ZFAT: variants seen among roughly 807,000 people sequenced by gnomAD.
ZFAT encodes the protein zinc finger and AT-hook domain containing.
Under a neutral mutation model 117.7 loss-of-function variants are expected in ZFAT, and 64 were observed. The observed-to-expected ratio is 0.54, with a 90% CI of 0.44 to 0.67. The LOEUF (loss-of-function observed/expected upper bound fraction) is 0.67. Among genes scored for constraint, ZFAT ranks in the 30% least tolerant of loss-of-function variants. The pLI is 0.00. For synonymous variants in ZFAT, 679 were observed against 615.0 expected, an observed-to-expected ratio of 1.10 and a Z score of -1.54; for missense variants, 1,433 against 1,584.5, an observed-to-expected ratio of 0.90 and a Z score of 1.62.
chr8:134,667,132 C>T (rs1426411853), intron 1 of ZFAT, among the ~76,000 whole-genome samples: 1 of 152,118 alleles, frequency 6.6e-6, no homozygotes, highest in Non-Finnish European at 1.5e-5. Context: ...TGGGGCCTGT[C>T]AGGGGCTGGG....
At chr8:134,593,119 C>T (rs1826653238) in intron 7 of ZFAT, among the ~76,000 whole-genome samples, 1 of 151,898 alleles carries the variant, frequency 6.6e-6, no homozygotes, top group Non-Finnish European at 1.5e-5. Context: ...TGGAGGAGAC[C>T]TCCACCACCC....
In ZFAT at chr8:134,542,701, T is replaced by G. The variant is rs528372573; in HGVS notation, c.2977-9729A>C. 9.6e-4 allele frequency among the ~76,000 whole-genome samples: 146 copies of G among 152,360 alleles called. 1 individual carries two copies. The highest frequency in any genetic ancestry group is 6.8e-3 in the Middle Eastern group (2 of 294). ...GCCAGAGCCTGTGGAGAGCCCCAGATGACCTGTCCACACCTCTTTGTAATA... is the reference window on the plus strand; with the variant it reads ...GCCAGAGCCTGTGGAGAGCCCCAGAGGACCTGTCCACACCTCTTTGTAATA... On this transcript the variant is annotated intron_variant, in intron 11 of 15. Transcript: ENST00000377838.
chr8:134,539,039 T>G (rs1822052779), intron 11 of ZFAT, among the ~76,000 whole-genome samples: 1 of 152,176 alleles, frequency 6.6e-6, no homozygotes, highest in Non-Finnish European at 1.5e-5. Flanking sequence ...CTTTGCTGTT[T>G]TGGTTCTTTA....
chr8:134,548,036 C>T (rs897434061), intron 11 of ZFAT, among the ~76,000 whole-genome samples: 1 of 152,186 alleles, frequency 6.6e-6, no homozygotes, highest in Non-Finnish European at 1.5e-5. Flanking sequence ...ATCTGTTGAA[C>T]GCTGTTCCCT....
At chr8:134,589,676 C>T (rs1291994412) in intron 8 of ZFAT, among the ~76,000 whole-genome samples, 2 of 152,174 alleles carry the variant, frequency 1.3e-5, no homozygotes, top group Non-Finnish European at 2.9e-5. Flanking sequence ...GGTGGACCCT[C>T]GGCCAGGCTG....
chr8:134,603,387 T>C (rs1273285432), intron 5 of ZFAT, among the ~76,000 whole-genome samples: 3 of 152,204 alleles, frequency 2.0e-5, no homozygotes, highest in Non-Finnish European at 2.9e-5. Flanking sequence ...CAAGCTGATC[T>C]AGGTGGATTC....
chr8:134,656,431 C>A (rs1389421788), intron 2 of ZFAT, among the ~76,000 whole-genome samples: 3 of 152,186 alleles, frequency 2.0e-5, no homozygotes, highest in Non-Finnish European at 2.9e-5. Context: ...TCCTTATTCA[C>A]CCACCACTAG....
upstream of ZFAT, among the ~76,000 whole-genome samples, chr8:134,716,405 C>A (rs1411342124): frequency 6.6e-6 from 1 of 152,190 alleles, no homozygotes; most frequent in Non-Finnish European, 1.5e-5. Context: ...GAAACAGCAT[C>A]TTTTCCACCT....
intron 12 of ZFAT, among the ~76,000 whole-genome samples, chr8:134,532,003 G>A (rs550596758): frequency 1.8e-4 from 28 of 152,358 alleles, no homozygotes; most frequent in African/African-American, 5.5e-4. Flanking sequence ...GGAAAGAAGA[G>A]CAGCTAACTG....
chr8:134,502,029 G>A (rs1295043828), intron 15 of ZFAT, among the ~76,000 whole-genome samples: 9 of 152,202 alleles, frequency 5.9e-5, no homozygotes, highest in East Asian at 1.9e-4. Context: ...CTTTTGCTGT[G>A]TAGCTACAAT....
At chr8:134,619,030 G>C (rs1010159882) in intron 3 of ZFAT, among the ~76,000 whole-genome samples, 1 of 152,182 alleles carries the variant, frequency 6.6e-6, no homozygotes, top group Admixed American at 6.5e-5. Context: ...TGGGAAGTAG[G>C]AAAAGTTTGT....
chr8:134,710,078 T>G (rs780987480), intron 1 of ZFAT, among the ~76,000 whole-genome samples: 1 of 152,218 alleles, frequency 6.6e-6, no homozygotes, highest in South Asian at 2.1e-4. Context: ...TGAAGGAAAC[T>G]TCAACATATG....
At chr8:134,635,806 C>G (rs1342071674) in intron 3 of ZFAT, among the ~76,000 whole-genome samples, 3 of 152,160 alleles carry the variant, frequency 2.0e-5, no homozygotes, top group Non-Finnish European at 2.9e-5. Context: ...TTTCAACCAT[C>G]TCATTTCTAA....
intron 2 of ZFAT, among the ~76,000 whole-genome samples, chr8:134,652,875 C>T (rs6992977): frequency 0.028 from 4,285 of 152,170 alleles, 230 homozygotes; most frequent in African/African-American, 0.098. Flanking sequence ...ACCTAGCAAA[C>T]TTTTCAATAA....
the ZFAT span, among the ~76,000 whole-genome samples, chr8:134,788,088 G>A: frequency 6.6e-6 from 1 of 152,126 alleles, no homozygotes; most frequent in Admixed American, 6.5e-5. Flanking sequence ...ATGTTAAACA[G>A]TAGAGGTTAT....
the ZFAT span, among the ~76,000 whole-genome samples, chr8:134,750,527 T>A: frequency 6.6e-6 from 1 of 152,120 alleles, no homozygotes; most frequent in Non-Finnish European, 1.5e-5. Flanking sequence ...ATTGAAATAT[T>A]TTTTTTAAAA....
At chr8:134,760,284 A>AC in the ZFAT span, among the ~76,000 whole-genome samples, 1 of 132,552 alleles carries the variant, frequency 7.5e-6, no homozygotes, top group East Asian at 2.3e-4. Flanking sequence ...AAAAAAAAAA[A>AC]AAAACAAACA....
chr8:134,830,991 G>A, the ZFAT span, among the ~76,000 whole-genome samples: 1 of 152,218 alleles, frequency 6.6e-6, no homozygotes, highest in African/African-American at 2.4e-5. Flanking sequence ...GCACAGGACT[G>A]TCTCGTAAAT....
intron 15 of ZFAT, among the ~76,000 whole-genome samples, chr8:134,492,305 C>T (rs1303192723): frequency 2.0e-5 from 3 of 152,170 alleles, no homozygotes; most frequent in African/African-American, 7.2e-5. Flanking sequence ...TTCTCAGATG[C>T]TTCCATACCT....
Sources: gnomAD v4.1 joint callset for allele counts (sites outside exome capture counted in the v4.1 genomes callset) on GRCh38, gnomAD v4.1.1 for gene constraint, MANE v1.5 for transcripts, NCBI Gene and HGNC (gene_info 2026-07-23, HGNC 2026-07-21) for gene names.